Variants in THAP7 observed in about 807,000 individuals in gnomAD.
THAP7 encodes the protein THAP domain-containing protein 7.
THAP7 carries 22 observed loss-of-function variants against 29.2 expected under a neutral mutation model. The observed-to-expected ratio is 0.75, with a 90% CI of 0.54 to 1.08. The LOEUF (loss-of-function observed/expected upper bound fraction) is 1.08. Ranked by LOEUF, THAP7 falls within the 50% of genes least tolerant of loss-of-function variation. THAP7 has a pLI of 0.00. For missense variants in THAP7, 448 were observed against 416.2 expected (o/e 1.08, Z -0.66); for synonymous variants, 208 against 173.4 (o/e 1.20, Z -1.57).
At chr22:21,000,865 C>CGTGG in intron 2 of THAP7, 78 bp from the exon 3 acceptor site, 1 of 1,590,908 alleles carries the variant, frequency 6.3e-7, no homozygotes, top group Non-Finnish European at 8.6e-7. Context: ...GCAGCAGCGC[C>CGTGG]GTGGGATGCT....
At position 21,001,346 on chromosome 22, in the gene THAP7, C is replaced by A. The variant is rs1186390857; in HGVS notation, c.146G>T (p.Ser49Ile). 1.9e-6 allele frequency: 3 copies of A among 1,613,704 alleles called. No individual in the cohort carries two copies. In the East Asian group the frequency reaches 6.7e-5, roughly 36 times the overall value. The change falls in exon 2 of 4, where the codon AGC (serine) becomes ATC (isoleucine). Residue 49 changes from serine to isoleucine, a missense_variant. Ser to Ile is a moderately radical substitution (Grantham distance 142, BLOSUM62 -2). Transcript: ENST00000215742. Reference protein sequence around the residue: ...WLANCQRLDPSGQGLWDPASE... With the variant: ...WLANCQRLDPIGQGLWDPASE... ...TGCCGGGTCCCACAGGCCCTGGCCG[C>A]TGGGGTCCAGCCGCTGGCAGTTGGC...
In THAP7 at chr22:21,001,940, A is replaced by G. The variant is rs1448932780; in HGVS notation, c.-29T>C. The G allele has an allele frequency of 2.0e-6, 3 of 1,534,784 alleles. No homozygotes were observed. The highest frequency in any genetic ancestry group is 4.0e-5 in the Admixed American group (2 of 49,728). On this transcript the variant is annotated 5_prime_UTR_variant, in exon 1 of 4. Coordinates refer to ENST00000215742, the MANE Select transcript of THAP7 (RefSeq NM_030573.3). ...GGAAAGAGGCGGGAGTTAAGTCGCA[A>G]GCGGCTCTCCGGGCATCCGGAGGAG...
chr22:21,001,853 T>A lies in THAP7; in HGVS notation c.59A>T (p.Asn20Ile). The change falls in exon 1 of 4, where the codon AAC becomes ATC. Residue 20 changes from asparagine to isoleucine, a missense_variant. By Grantham distance (149) the Asn-to-Ile change is moderately radical (BLOSUM62 -3). Coordinates refer to ENST00000215742, the MANE Select transcript of THAP7 (RefSeq NM_030573.3). Reference sequence around the variant, plus strand: ...TGACCTGTGGAAGGAGATGCCGCGGTTGCGCGTCTCGCGCGTGTCCCGTGT... The same window carrying A: ...TGACCTGTGGAAGGAGATGCCGCGGATGCGCGTCTCGCGCGTGTCCCGTGT... ...CCTRDTRETR[N>I]RGISFHRLPK... is the part of the protein sequence containing the mutation. 1.3e-6 allele frequency: 2 copies of A among 1,562,416 alleles called. No individual in the cohort carries two copies. The highest frequency in any genetic ancestry group is 1.4e-5 in the African/African-American group (1 of 73,478).
intron 1 of THAP7, 139 bp downstream of exon 1, chr22:21,001,693 C>G: frequency 9.5e-7 from 1 of 1,052,902 alleles, no homozygotes; most frequent in Non-Finnish European, 1.3e-6. Context: ...CCCGCCGGGA[C>G]CGTTCCGCTT....
Position 20,999,975 on chromosome 22 carries a change from G to A in THAP7, c.835C>T (p.Arg279Trp), listed in dbSNP as rs376353818. Residue 279 changes from arginine to tryptophan, a missense_variant, in exon 4 of 4, where the codon CGG becomes TGG. Coordinates refer to ENST00000215742, the MANE Select transcript of THAP7 (RefSeq NM_030573.3). ...GCCTGTGCCCGCTTCTCCCGTGCCC[G>A]CTCCTGCTGCAGCTTGGTCAGTCTC... ...RLRLTKLQQE[R>W]AREKRAQADA... 1.8e-4 allele frequency: 297 copies of A among 1,612,724 alleles called. No individual in the cohort carries two copies. Among genetic ancestry groups the A allele is most frequent in the Non-Finnish European group, 2.2e-4 (264 of 1,179,964 alleles).
intron 3 of THAP7, 55 bp from the exon 4 acceptor site, chr22:21,000,487 C>G: frequency 2.0e-6 from 3 of 1,537,934 alleles, no homozygotes; most frequent in Non-Finnish European, 2.6e-6. Context: ...TGCCAGACCC[C>G]CCTCCACCAG....
chr22:21,000,747 A>C lies in THAP7; in HGVS notation c.277T>G (p.Phe93Val). 1 of 1,614,138 alleles carries C rather than the reference A, an allele frequency of 6.2e-7. No individual in the cohort carries two copies. The highest frequency in any genetic ancestry group is 8.5e-7 in the Non-Finnish European group (1 of 1,180,010). The change falls in exon 3 of 4, where the codon TTT becomes GTT. Residue 93 changes from phenylalanine to valine, a missense_variant. By Grantham distance (50) the Phe-to-Val change is conservative. Transcript: ENST00000215742. ...CGGCGCAACTTGGAGAAAGACTCAA[A>C]TATGGTGGGGACTGCCCCCTCCTTT... ...RLKEGAVPTI[F>V]ESFSKLRRTT...
chr22:21,000,576 G>A lies in THAP7; in HGVS notation c.377+71C>T, dbSNP rs374165208. 9 of 1,602,504 alleles carry A rather than the reference G, an allele frequency of 5.6e-6. 1 individual carries two copies. The African/African-American group carries it at 9.4e-5, about 17-fold the overall frequency. On this transcript the variant is annotated intron_variant, in intron 3 of 3. Coordinates refer to ENST00000215742, the MANE Select transcript of THAP7 (RefSeq NM_030573.3). ...AGAACCCTGTCCAGCGAGACTGCTG[G>A]CAGACACCCCTAGGGCCCAGTCCCT...
At position 20,999,702 on chromosome 22, in the gene THAP7, G is replaced by T; in HGVS notation, c.*178C>A. 1.4e-6 allele frequency: 1 copy of T among 712,702 alleles called. No individual in the cohort carries two copies. The highest frequency in any genetic ancestry group is 2.3e-6 in the Non-Finnish European group (1 of 441,196). The allele number at this position is 712,702 out of a possible 1,614,324, so 44.1% of individuals were successfully genotyped here. On this transcript the variant is annotated 3_prime_UTR_variant, in exon 4 of 4. Transcript: ENST00000215742. ...TGGACTGAGCCCTCTAGGAGCTGCA[G>T]CCACTGTCTGGGGCAGCAAGCTTAG...
At chr22:21,001,172 C>G in intron 2 of THAP7, 84 bp downstream of exon 2, 1 of 1,564,246 alleles carries the variant, frequency 6.4e-7, no homozygotes, top group Admixed American at 1.8e-5. Context: ...GCAGGCTGCT[C>G]AAGGGACTTC....
In THAP7 at chr22:20,999,953, TGTGCCCGCTTCTCCC is replaced by T. The variant is rs750988756; in HGVS notation, c.842_856del (p.Arg281_Ala285del). The T allele has an allele frequency of 3.1e-6, 5 of 1,612,444 alleles. No individual in the cohort carries two copies. Among genetic ancestry groups the T allele is most frequent in the South Asian group, 1.1e-5 (1 of 91,090 alleles). On this transcript the variant is annotated inframe_deletion, in exon 4 of 4. Transcript: ENST00000215742. ...CTTCAGAGTCTGGCGGGCATCTGCC[TGTGCCCGCTTCTCCC>T]GTGCCCGCTCCTGCTGCAGCTTGGT...
chr22:21,001,482 A>G (rs998805375), intron 1 of THAP7, 71 bp from the exon 2 acceptor site: 1 of 1,554,034 alleles, frequency 6.4e-7, no homozygotes. Context: ...AGCACCCCAG[A>G]GGGGAAACGC....
chr22:21,001,309 G>T lies in THAP7; in HGVS notation c.183C>A (p.Ile61=), dbSNP rs748864847. ...QGLWDPASEY[I]YFCSKHFEED... ...CCTCAAAGTGTTTGGAGCAGAAGTA[G>T]ATGTACTCGGATGCCGGGTCCCACA... The change falls in exon 2 of 4, where the codon ATC becomes ATA. Residue 61 remains isoleucine, a synonymous_variant. Transcript: ENST00000215742. The T allele has an allele frequency of 6.2e-7, 1 of 1,614,154 alleles. No homozygotes were observed. The highest frequency in any genetic ancestry group is 1.1e-5 in the South Asian group (1 of 91,080).
Position 21,000,302 on chromosome 22 carries a change from C to T in THAP7, c.508G>A (p.Gly170Ser), listed in dbSNP as rs1925081853. The T allele has an allele frequency of 1.3e-6, 2 of 1,555,814 alleles. No individual in the cohort carries two copies. The highest frequency in any genetic ancestry group is 1.7e-6 in the Non-Finnish European group (2 of 1,149,982). The change falls in exon 4 of 4, where the codon GGC (glycine) becomes AGC (serine). Residue 170 changes from glycine (G) to serine (S), a missense_variant. Gly to Ser is a moderately conservative substitution (Grantham distance 56, BLOSUM62 0). Coordinates refer to ENST00000215742, the MANE Select transcript of THAP7 (RefSeq NM_030573.3). ...AGGTCTGAAAAGGGGCTGCTAAGGC[C>T]AGGCTCCAGCCTCCCAGCTGGGGAG... ...PASPAGRLEP[G>S]LSSPFSDLLG...
chr22:21,001,875 G>A lies in THAP7; in HGVS notation c.37C>T (p.Arg13Trp). ...CGGTTGCGCGTCTCGCGCGTGTCCC[G>A]TGTGCAGCAGCCGGCGGCGGAGCAG... is the stretch of plus-strand genomic sequence containing the variant. ...RHCSAAGCCT[R>W]DTRETRNRGI... The change falls in exon 1 of 4, where the codon CGG becomes TGG. Residue 13 changes from arginine to tryptophan, a missense_variant. Physicochemically the swap from Arg to Trp is moderately radical, Grantham distance 101. Coordinates refer to ENST00000215742, the MANE Select transcript of THAP7 (RefSeq NM_030573.3). The A allele has an allele frequency of 2.5e-6, 4 of 1,572,408 alleles. No homozygotes were observed. The highest frequency in any genetic ancestry group is 3.4e-6 in the Non-Finnish European group (4 of 1,160,520).
chr22:21,001,609 T>C, intron 1 of THAP7, 198 bp from the exon 2 acceptor site: 1 of 928,584 alleles, frequency 1.1e-6, no homozygotes, highest in Non-Finnish European at 1.6e-6. Context: ...CTCAGCGTCA[T>C]CTGGCAGGTA....
chr22:21,001,481 G>A (rs1925162784), intron 1 of THAP7, 70 bp from the exon 2 acceptor site: 4 of 1,554,018 alleles, frequency 2.6e-6, no homozygotes, highest in African/African-American at 1.4e-5. Flanking sequence ...AAGCACCCCA[G>A]AGGGGAAACG....
rs755062224 is a variant in THAP7 at position 20,999,878 on chromosome 22, C to T, written c.*2G>A. Reference sequence around the variant, plus strand: ...CAGCCCCTCGGTCAGTCCAGCAGCCCCTCAGGCCATGCTGCTGCTCAGCTG... The same window carrying T: ...CAGCCCCTCGGTCAGTCCAGCAGCCTCTCAGGCCATGCTGCTGCTCAGCTG... On this transcript the variant is annotated 3_prime_UTR_variant, in exon 4 of 4. Transcript: ENST00000215742. 6.2e-7 allele frequency: 1 copy of T among 1,600,964 alleles called. No homozygotes were observed.
rs118178665 is a variant in THAP7, at chr22:20,999,130, G to C, written c.*750C>G. The C allele has an allele frequency of 2.0e-5, 3 of 152,198 alleles. No individual in the cohort carries two copies. The highest frequency in any genetic ancestry group is 4.8e-5 in the African/African-American group (2 of 41,436). The allele number at this position is 152,198 out of a possible 1,614,324, so 9.4% of individuals were successfully genotyped here. On this transcript the variant is annotated 3_prime_UTR_variant, in exon 4 of 4. Transcript: ENST00000215742. ...TACTTGCAGTGAGTCACCCCAAGAC[G>C]GAGCTGTTTGAGAACTGCAGCTGCA... is the stretch of plus-strand genomic sequence containing the variant.
Sources: gnomAD v4.1 joint callset for allele counts on GRCh38, gnomAD v4.1.1 for gene constraint, MANE v1.5 for transcripts, NCBI Gene and HGNC (gene_info 2026-07-23, HGNC 2026-07-21) for gene names.